The following DLGAP2 variants were observed in gnomAD, a reference collection of about 807,000 sequenced individuals.
DLGAP2 encodes the protein DLG associated protein 2.
Under a neutral mutation model 100.3 loss-of-function variants are expected in DLGAP2, and 26 were observed. The observed-to-expected ratio is 0.26, with a 90% CI of 0.19 to 0.36. DLGAP2 has a LOEUF of 0.36. Among genes scored for constraint, DLGAP2 ranks in the 10% least tolerant of loss-of-function variants. DLGAP2 has a pLI of 1.00. For missense variants in DLGAP2, 1,858 were observed against 1,453.2 expected, an observed-to-expected ratio of 1.28 and a Z score of -4.53; for synonymous variants, 886 against 630.1, an observed-to-expected ratio of 1.41 and a Z score of -6.08.
chr8:1,501,095 C>G (rs1272309835), intron 3 of DLGAP2, among the ~76,000 whole-genome samples: 1 of 152,058 alleles, frequency 6.6e-6, no homozygotes, highest in Non-Finnish European at 1.5e-5. Context: ...AGAGTTAAAG[C>G]TGAGAATCAT....
In DLGAP2 at chr8:1,350,279, G is replaced by A. The variant is rs574810449; in HGVS notation, c.106+91396G>A. Among the ~76,000 whole-genome samples the A allele has an allele frequency of 1.5e-3, 141 of 93,824 alleles. 10 individuals are homozygous for A. The highest frequency in any genetic ancestry group is 6.0e-3 in the Middle Eastern group (1 of 168). 61.6% of individuals were successfully genotyped at this position (93,824 alleles called of 152,430 possible). A position where few individuals can be genotyped will look rare whatever the true frequency, so the allele number is the denominator to read the frequency against. ...CTGAGCATGTGTGGAACGGCCGTGC[G>A]GGTCCTGAGCGTGCGTGGAAAGGCC... On this transcript the variant is annotated intron_variant, in intron 3 of 14. Transcript: ENST00000637795.
chr8:914,322 C>CCT (rs149448656), intron 2 of DLGAP2, among the ~76,000 whole-genome samples: 4 of 151,906 alleles, frequency 2.6e-5, no homozygotes, highest in African/African-American at 9.7e-5. Flanking sequence ...TTTCCTGCAT[C>CCT]CTCTCTCTCT....
chr8:1,486,182 A>G (rs867174000), intron 3 of DLGAP2, among the ~76,000 whole-genome samples: 1 of 152,182 alleles, frequency 6.6e-6, no homozygotes, highest in South Asian at 2.1e-4. Flanking sequence ...TGACCATCCT[A>G]CAGATAAGGA....
intron 3 of DLGAP2, among the ~76,000 whole-genome samples, chr8:1,273,521 C>G (rs1330706503): frequency 1.3e-5 from 2 of 152,200 alleles, no homozygotes; most frequent in Non-Finnish European, 2.9e-5. Context: ...AGTTCACGTG[C>G]TCAAGTGTGG....
intron 8 of DLGAP2, among the ~76,000 whole-genome samples, chr8:1,653,509 TAG>T (rs1798214469): frequency 6.6e-6 from 1 of 152,204 alleles, no homozygotes; most frequent in Admixed American, 6.5e-5. Context: ...CTGATCCACA[TAG>T]GCTCTGGAGG....
chr8:1,591,356 G>A (rs1259269487), intron 6 of DLGAP2, among the ~76,000 whole-genome samples: 1 of 152,194 alleles, frequency 6.6e-6, no homozygotes, highest in Non-Finnish European at 1.5e-5. Context: ...GGAGGAGAAA[G>A]AAGGCTCTTG....
chr8:855,701 A>G (rs1018461506), intron 1 of DLGAP2, among the ~76,000 whole-genome samples: 1 of 152,198 alleles, frequency 6.6e-6, no homozygotes, highest in African/African-American at 2.4e-5. Flanking sequence ...TTGAGGCCCT[A>G]CAAAACAGGT....
At chr8:1,577,611 C>T (rs1803041494) in intron 6 of DLGAP2, among the ~76,000 whole-genome samples, 1 of 149,404 alleles carries the variant, frequency 6.7e-6, no homozygotes, top group Non-Finnish European at 1.5e-5. Flanking sequence ...GTAAATGCCA[C>T]AGGATATCCA....
intron 3 of DLGAP2, among the ~76,000 whole-genome samples, chr8:1,429,749 C>T (rs12674781): frequency 0.21 from 32,263 of 151,056 alleles, 3,721 homozygotes; most frequent in East Asian, 0.34. Flanking sequence ...AATCCCAGTG[C>T]TTTCCATTTA....
intron 2 of DLGAP2, among the ~76,000 whole-genome samples, chr8:1,153,935 C>CT (rs1563218750): frequency 6.6e-6 from 1 of 152,162 alleles, no homozygotes; most frequent in East Asian, 1.9e-4. Flanking sequence ...GTCTCCTCCC[C>CT]TTTCCTAGGG....
At chr8:980,264 G>T (rs1160448121) in intron 2 of DLGAP2, among the ~76,000 whole-genome samples, 1 of 152,186 alleles carries the variant, frequency 6.6e-6, no homozygotes, top group Non-Finnish European at 1.5e-5. Flanking sequence ...TCCATAGAAG[G>T]TGCAGGGCCC....
At chr8:1,674,801 G>T (rs1399940031) in intron 10 of DLGAP2, among the ~76,000 whole-genome samples, 2 of 152,158 alleles carry the variant, frequency 1.3e-5, no homozygotes, top group African/African-American at 4.8e-5. Flanking sequence ...TGCACTGAAG[G>T]CTCATTAAAT....
chr8:1,363,091 T>G (rs1438257369), intron 3 of DLGAP2, among the ~76,000 whole-genome samples: 2 of 152,248 alleles, frequency 1.3e-5, no homozygotes, highest in Admixed American at 1.3e-4. Context: ...AGTCTTCTCA[T>G]TTTTAGAAGT....
chr8:1,132,045 G>A (rs1485825248), intron 2 of DLGAP2, among the ~76,000 whole-genome samples: 4 of 152,202 alleles, frequency 2.6e-5, no homozygotes, highest in African/African-American at 9.6e-5. Flanking sequence ...ATAAGATGGT[G>A]TGTGTGTTCC....
At position 1,417,710 on chromosome 8, in the gene DLGAP2, A is replaced by G. The variant is rs78605689; in HGVS notation, c.107-83656A>G. Among the ~76,000 whole-genome samples the G allele has an allele frequency of 5.0e-4, 73 of 146,728 alleles. 15 individuals are homozygous for G. The highest frequency in any genetic ancestry group is 3.6e-3 in the Middle Eastern group (1 of 274). On this transcript the variant is annotated intron_variant, in intron 3 of 14. Transcript: ENST00000637795. The stretch of plus-strand genomic sequence containing the variant: ...GCACAGGGGGCCCCACTCCTGCCTC[A>G]CTCGGCGAGGCTCCAGACACAGAAG...
In DLGAP2 at chr8:1,043,176, T is replaced by C. The variant is rs867583335; in HGVS notation, c.73+135210T>C. On this transcript the variant is annotated intron_variant, in intron 2 of 14. Coordinates refer to ENST00000637795, the MANE Select transcript of DLGAP2 (RefSeq NM_001346810.2). The stretch of plus-strand genomic sequence containing the variant: ...GTGGGTGGTGGACGTGGGTGGTGGG[T>C]GTGGGTGGTGGGTGTTGGTGGTGGA... 3.0e-3 allele frequency among the ~76,000 whole-genome samples: 261 copies of C among 86,770 alleles called. 2 individuals are homozygous for C. Among genetic ancestry groups the C allele is most frequent in the African/African-American group, 0.011 (249 of 22,602 alleles). 56.9% of individuals were successfully genotyped at this position (86,770 alleles called of 152,430 possible).
chr8:1,043,761 T>C (rs372354052), intron 2 of DLGAP2, among the ~76,000 whole-genome samples: 9 of 152,078 alleles, frequency 5.9e-5, no homozygotes, highest in African/African-American at 2.2e-4. Context: ...CAGGTTTCTG[T>C]GCATGGGGTA....
At chr8:1,355,989 G>C (rs988284276) in intron 3 of DLGAP2, among the ~76,000 whole-genome samples, 4 of 152,112 alleles carry the variant, frequency 2.6e-5, no homozygotes, top group Non-Finnish European at 2.9e-5. Flanking sequence ...CTCCGCATTT[G>C]GGTGTTTGTG....
chr8:859,270 C>G (rs963080857), intron 1 of DLGAP2, among the ~76,000 whole-genome samples: 2 of 152,110 alleles, frequency 1.3e-5, no homozygotes, highest in Admixed American at 1.3e-4. Context: ...CGCCACGAAG[C>G]CTGGCTAATT....
Sources: gnomAD v4.1 joint callset for allele counts (sites outside exome capture counted in the v4.1 genomes callset) on GRCh38, gnomAD v4.1.1 for gene constraint, MANE v1.5 for transcripts, NCBI Gene and HGNC (gene_info 2026-07-23, HGNC 2026-07-21) for gene names.